Variants in PGM2L1 observed in about 807,000 individuals in gnomAD.
PGM2L1 encodes glucose 1,6-bisphosphate synthase.
PGM2L1 carries 35 observed loss-of-function variants against 73.4 expected under a neutral mutation model. The ratio of observed to expected loss-of-function variants is 0.48; its 90% CI spans 0.36 to 0.63. The LOEUF (loss-of-function observed/expected upper bound fraction) is 0.63, where lower values mean the gene tolerates loss of function less well. PGM2L1 is among the 30% of genes least tolerant of loss of function. PGM2L1 has a pLI of 0.00. For missense variants in PGM2L1, 570 were observed against 742.0 expected, an observed-to-expected ratio of 0.77 and a Z score of 2.69; for synonymous variants, 225 against 253.8, an observed-to-expected ratio of 0.89 and a Z score of 1.08.
rs768322456 is a variant in PGM2L1 at position 74,343,302 on chromosome 11, A to T, written c.1312+21T>A. On this transcript the variant is annotated intron_variant, in intron 10 of 13. Coordinates refer to ENST00000298198, the MANE Select transcript of PGM2L1 (RefSeq NM_173582.6). Reference sequence around the variant, plus strand: ...AAAAATTATCAATCAAATTTTGAAGATTTTAATATTTACTACATACCAATA... The same window carrying T: ...AAAAATTATCAATCAAATTTTGAAGTTTTTAATATTTACTACATACCAATA... The T allele has an allele frequency of 3.9e-6, 6 of 1,551,282 alleles. No individual in the cohort carries two copies. In the South Asian group the frequency reaches 7.5e-5, roughly 19 times the overall value.
At chr11:74,391,079 G>A (rs1053792988) in intron 1 of PGM2L1, among the ~76,000 whole-genome samples, 1 of 152,022 alleles carries the variant, frequency 6.6e-6, no homozygotes, top group African/African-American at 2.4e-5. Flanking sequence ...CCCCATTTTA[G>A]TTGGCTTCAT....
At chr11:74,387,060 T>C (rs1445089233) in intron 1 of PGM2L1, among the ~76,000 whole-genome samples, 4 of 152,232 alleles carry the variant, frequency 2.6e-5, no homozygotes, top group East Asian at 1.9e-4. Flanking sequence ...GTGAGTCTTA[T>C]GGCTTCTTTT....
chr11:74,397,726 A>C, intron 1 of PGM2L1: 1 of 226,278 alleles, frequency 4.4e-6, no homozygotes, highest in Non-Finnish European at 8.5e-6. Context: ...TGTTTAGGGT[A>C]TAACTTACAA....
intron 5 of PGM2L1, among the ~76,000 whole-genome samples, chr11:74,355,984 A>AT (rs553638759): frequency 0.021 from 3,150 of 147,932 alleles, 35 homozygotes; most frequent in Non-Finnish European, 0.023. Context: ...TTTAATATGG[A>AT]TTTTTTTTTT....
chr11:74,355,021 G>A, intron 5 of PGM2L1: 2 of 1,299,776 alleles, frequency 1.5e-6, no homozygotes, highest in Admixed American at 1.7e-5. Flanking sequence ...GCTTCATCCA[G>A]CCAAAGAGGT....
intron 5 of PGM2L1, 58 bp from the exon 6 acceptor site, chr11:74,351,634 G>A (rs1862355272): frequency 7.1e-7 from 1 of 1,409,782 alleles, no homozygotes; most frequent in Non-Finnish European, 9.7e-7. Flanking sequence ...ATCTTTTCTT[G>A]TCTATAGTTG....
At chr11:74,382,442 A>G (rs1862960810) in intron 1 of PGM2L1, among the ~76,000 whole-genome samples, 2 of 152,144 alleles carry the variant, frequency 1.3e-5, no homozygotes, top group Non-Finnish European at 1.5e-5. Context: ...ATTACCTTTT[A>G]TGGCCTAGCC....
intron 1 of PGM2L1, among the ~76,000 whole-genome samples, chr11:74,394,483 C>T (rs762334529): frequency 3.9e-5 from 6 of 152,138 alleles, no homozygotes; most frequent in Non-Finnish European, 7.3e-5. Context: ...TGGAGTACCC[C>T]AAACTGCCCC....
At chr11:74,351,909 C>A (rs1178252029) in intron 5 of PGM2L1, among the ~76,000 whole-genome samples, 1 of 150,916 alleles carries the variant, frequency 6.6e-6, no homozygotes, top group Non-Finnish European at 1.5e-5. Flanking sequence ...TTGCAGTGAG[C>A]TGAGATAGCG....
Position 74,336,546 on chromosome 11 carries a change from G to A in PGM2L1, c.*106C>T, listed in dbSNP as rs952360764. 2 of 608,078 alleles carry A rather than the reference G, an allele frequency of 3.3e-6. No individual in the cohort carries two copies. Among genetic ancestry groups the A allele is most frequent in the Admixed American group, 3.1e-5 (1 of 32,090 alleles). The allele number at this position is 608,078 out of a possible 1,614,324, so 37.7% of individuals were successfully genotyped here. The stretch of plus-strand genomic sequence containing the variant: ...AGAAAATAAAAGGAAAAAGATACTC[G>A]GCCAGATGAGATAGAGAGAGAATGC... On this transcript the variant is annotated 3_prime_UTR_variant, in exon 14 of 14. Transcript: ENST00000298198.
At chr11:74,338,727 GA>G in intron 12 of PGM2L1, 126 bp from the exon 13 acceptor site, 1 of 1,216,220 alleles carries the variant, frequency 8.2e-7, no homozygotes, top group Non-Finnish European at 1.1e-6. Flanking sequence ...TACAGAAATA[GA>G]AATTAGAATG....
chr11:74,394,105 T>C (rs975014829), intron 1 of PGM2L1, among the ~76,000 whole-genome samples: 5 of 152,186 alleles, frequency 3.3e-5, no homozygotes, highest in African/African-American at 1.2e-4. Flanking sequence ...TGTTGGGTTC[T>C]AATGGTAGGA....
At position 74,345,607 on chromosome 11, in the gene PGM2L1, C is replaced by G; in HGVS notation, c.1080G>C (p.Leu360Phe). 6.2e-7 allele frequency: 1 copy of G among 1,613,882 alleles called. No homozygotes were observed. The highest frequency in any genetic ancestry group is 8.5e-7 in the Non-Finnish European group (1 of 1,179,898). Residue 360 changes from leucine (L) to phenylalanine (F), a missense_variant, in exon 9 of 14, where the codon TTG (leucine) becomes TTC (phenylalanine). By Grantham distance (22) the Leu-to-Phe change is conservative (BLOSUM62 0). Coordinates refer to ENST00000298198, the MANE Select transcript of PGM2L1 (RefSeq NM_173582.6). The stretch of plus-strand genomic sequence containing the variant: ...AGCAATCAAACATCCACCATCCAAA[C>G]AAAGCTGCCAACTCATTCCCTGTGA... ...KVFTGNELAA[L>F]FGWWMFDCWK...
At chr11:74,361,774 G>C (rs147758582) in intron 5 of PGM2L1, among the ~76,000 whole-genome samples, 3,871 of 152,272 alleles carry the variant, frequency 0.025, 166 homozygotes, top group African/African-American at 0.089. Flanking sequence ...TAGCCCATTT[G>C]ATCAACTGGA....
rs1862200162 is a variant in PGM2L1 at position 74,342,595 on chromosome 11, T to C, written c.1498A>G (p.Ile500Val). Residue 500 changes from isoleucine to valine, a missense_variant, in exon 12 of 14, where the codon ATC becomes GTC. Physicochemically the swap from Ile to Val is conservative, Grantham distance 29. Transcript: ENST00000298198. The stretch of plus-strand genomic sequence containing the variant: ...CGAAGCCTTTCAAATATACTTTTGA[T>C]GGTAGGTGGTTCATAACACAAGAAA... ...SYFLCYEPPT[I>V]KSIFERLRNF... 1 of 1,604,786 alleles carries C rather than the reference T, an allele frequency of 6.2e-7. No homozygotes were observed.
At chr11:74,373,048 A>T (rs763828977) in intron 2 of PGM2L1, among the ~76,000 whole-genome samples, 4 of 152,150 alleles carry the variant, frequency 2.6e-5, no homozygotes, top group Non-Finnish European at 5.9e-5. Context: ...CAAAACCTCA[A>T]TTACTTTTGC....
chr11:74,381,575 T>C (rs1320051979), intron 1 of PGM2L1, among the ~76,000 whole-genome samples: 12 of 29,016 alleles, frequency 4.1e-4, no homozygotes, highest in South Asian at 2.7e-3. Flanking sequence ...TTTTGTCTTT[T>C]TTTTTTTTTT....
In PGM2L1 at chr11:74,353,626, CAT is replaced by C. The variant is rs1314205304; in HGVS notation, c.556-2052_556-2051del. On this transcript the variant is annotated intron_variant, in intron 5 of 13. Transcript: ENST00000298198. ...CATTTAACCCTGAGTGGACACAGCACATGTTTCAGAGAGCAAGGGGCTGGGGG... is the reference window on the plus strand; with the variant it reads ...CATTTAACCCTGAGTGGACACAGCACGTTTCAGAGAGCAAGGGGCTGGGGG... Among the ~76,000 whole-genome samples, 6 of 151,882 alleles carry C rather than the reference CAT, an allele frequency of 4.0e-5. No homozygotes were observed. The South Asian group carries it at 1.3e-3, about 32-fold the overall frequency.
intron 6 of PGM2L1, among the ~76,000 whole-genome samples, chr11:74,348,465 A>G (rs1862302018): frequency 1.3e-5 from 2 of 152,190 alleles, no homozygotes; most frequent in Admixed American, 1.3e-4. Flanking sequence ...TTCAAGATAT[A>G]TTACTTTACA....
Sources: allele counts gnomAD v4.1 joint callset (sites outside exome capture counted in the v4.1 genomes callset), GRCh38; gene constraint gnomAD v4.1.1; transcripts MANE v1.5; gene names NCBI Gene and HGNC (gene_info 2026-07-23, HGNC 2026-07-21).